Variants in NINJ2 observed in about 807,000 individuals in gnomAD.
The protein encoded by NINJ2 is ninjurin 2, also known as ninjurin-2.
Under a neutral mutation model 11.7 loss-of-function variants are expected in NINJ2, and 12 were observed. That is an observed-to-expected ratio of 1.02 (90% CI 0.66 to 1.66). The LOEUF is 1.66. Ranked by LOEUF, NINJ2 falls within the 40% of genes most tolerant of loss-of-function variation. The probability of loss-of-function intolerance (pLI) is 0.00; values close to 1 mark genes in which losing one functional copy is unlikely to be tolerated. For synonymous variants in NINJ2, 93 were observed against 76.8 expected, an observed-to-expected ratio of 1.21 and a Z score of -1.10; for missense variants, 187 against 181.8, an observed-to-expected ratio of 1.03 and a Z score of -0.16.
intron 1 of NINJ2, among the ~76,000 whole-genome samples, chr12:619,227 G>A (rs889793513): frequency 5.9e-5 from 9 of 152,212 alleles, no homozygotes; most frequent in Non-Finnish European, 1.3e-4. Flanking sequence ...GGCACTTGGG[G>A]TAGGGGATGG....
intron 1 of NINJ2, among the ~76,000 whole-genome samples, chr12:576,957 C>A (rs1396598093): frequency 6.6e-6 from 1 of 152,176 alleles, no homozygotes; most frequent in African/African-American, 2.4e-5. Context: ...CCCAGCCGAT[C>A]TCTGCTGACT....
intron 1 of NINJ2, among the ~76,000 whole-genome samples, chr12:641,241 C>T (rs1050201647): frequency 2.6e-5 from 4 of 152,174 alleles, no homozygotes; most frequent in African/African-American, 4.8e-5. Context: ...CCCTACCTTC[C>T]CACTTGGAAG....
In NINJ2 at chr12:585,484, CGGTTGG is replaced by C. The variant is rs1947620577; in HGVS notation, c.34-19312_34-19307del. On this transcript the variant is annotated intron_variant, in intron 1 of 3. Transcript: ENST00000305108. The surrounding 1 kb of genome is among the most constrained non-coding windows in gnomAD (Gnocchi z 4.1). ...GCAGGCAACGGTTGGAGGAAGGGAA[CGGTTGG>C]AGGGAAGGGAAGGGAACGGTTGGAG... 7.5e-5 allele frequency among the ~76,000 whole-genome samples: 2 copies of C among 26,556 alleles called. No homozygotes were observed. The highest frequency in any genetic ancestry group is 1.8e-4 in the Non-Finnish European group (2 of 11,056). 17.4% of individuals were successfully genotyped at this position (26,556 alleles called of 152,430 possible). A position where few individuals can be genotyped will look rare whatever the true frequency, so the allele number is the denominator to read the frequency against.
At chr12:598,084 G>A (rs539328787) in intron 1 of NINJ2, among the ~76,000 whole-genome samples, 1 of 152,334 alleles carries the variant, frequency 6.6e-6, no homozygotes, top group South Asian at 2.1e-4. Flanking sequence ...TTCCTGTAAG[G>A]AAATGAGCTT....
At chr12:573,450 C>T (rs113952417) in intron 1 of NINJ2, among the ~76,000 whole-genome samples, 1,787 of 152,068 alleles carry the variant, frequency 0.012, 38 homozygotes, top group African/African-American at 0.041. Context: ...GTGCCGCATG[C>T]CTATTGCCAT....
chr12:630,121 A>G (rs1321196147), intron 1 of NINJ2, among the ~76,000 whole-genome samples: 1 of 151,494 alleles, frequency 6.6e-6, no homozygotes, highest in Non-Finnish European at 1.5e-5. Flanking sequence ...TAACGCCAAG[A>G]TAGCAAAATG....
At chr12:595,936 A>C (rs1188293188) in intron 1 of NINJ2, among the ~76,000 whole-genome samples, 1 of 152,246 alleles carries the variant, frequency 6.6e-6, no homozygotes, top group Admixed American at 6.5e-5. Context: ...AGATGTCCAC[A>C]TGATACGTCA....
At chr12:635,317 CT>C (rs1429105093) in intron 1 of NINJ2, among the ~76,000 whole-genome samples, 1 of 151,918 alleles carries the variant, frequency 6.6e-6, no homozygotes, top group African/African-American at 2.4e-5. Flanking sequence ...TCCCAAAGTG[CT>C]AGGATTACAG....
intron 1 of NINJ2, among the ~76,000 whole-genome samples, chr12:596,928 A>G (rs1947795594): frequency 6.6e-6 from 1 of 151,824 alleles, no homozygotes; most frequent in African/African-American, 2.4e-5. Flanking sequence ...GTCTCAAAAA[A>G]AAAACAAAAA....
intron 1 of NINJ2, among the ~76,000 whole-genome samples, chr12:649,889 T>C (rs965538169): frequency 1.3e-5 from 2 of 152,190 alleles, no homozygotes; most frequent in Admixed American, 6.5e-5. Context: ...CATTTTGATA[T>C]TCCCTTAAGT....
At chr12:578,491 C>T (rs578185498) in intron 1 of NINJ2, among the ~76,000 whole-genome samples, 4 of 152,072 alleles carry the variant, frequency 2.6e-5, no homozygotes, top group Non-Finnish European at 2.9e-5. Context: ...ATTTTTAAAA[C>T]GTTTTTTGTA....
At chr12:600,189 A>G (rs1347431149) in intron 1 of NINJ2, among the ~76,000 whole-genome samples, 1 of 152,076 alleles carries the variant, frequency 6.6e-6, no homozygotes, top group Non-Finnish European at 1.5e-5. Flanking sequence ...GAGACATGCA[A>G]TGAAGGTGGT....
At chr12:576,775 C>G (rs1947467422) in intron 1 of NINJ2, among the ~76,000 whole-genome samples, 1 of 152,222 alleles carries the variant, frequency 6.6e-6, no homozygotes, top group South Asian at 2.1e-4. Context: ...GATTTACCTA[C>G]CACACAGAAA....
intron 1 of NINJ2, among the ~76,000 whole-genome samples, chr12:595,138 A>C (rs1414527558): frequency 2.6e-5 from 4 of 152,074 alleles, no homozygotes; most frequent in African/African-American, 9.7e-5. Flanking sequence ...CACATGCAAA[A>C]AGAAAAAAAA....
intron 1 of NINJ2, among the ~76,000 whole-genome samples, chr12:609,963 A>G (rs1948006858): frequency 8.0e-6 from 1 of 125,542 alleles, no homozygotes. Flanking sequence ...AAAAAAAAAA[A>G]GACGAAGGAG....
rs1947631889 is a variant in NINJ2 at position 585,964 on chromosome 12, C to A, written c.34-19786G>T. On this transcript the variant is annotated intron_variant, in intron 1 of 3. Coordinates refer to ENST00000305108, the MANE Select transcript of NINJ2 (RefSeq NM_016533.6). The surrounding 1 kb of genome is among the most constrained non-coding windows in gnomAD (Gnocchi z 4.1). Reference sequence around the variant, plus strand: ...AGTGTTCTTCTGGTAATCACAGAAGCTCTGCGCTGGGAACCAGTACCCTAA... The same window carrying A: ...AGTGTTCTTCTGGTAATCACAGAAGATCTGCGCTGGGAACCAGTACCCTAA... 6.6e-6 allele frequency: 1 copy of A among 152,152 alleles called. No individual in the cohort carries two copies. 9.4% of individuals were successfully genotyped at this position (152,152 alleles called of 1,614,324 possible).
At chr12:576,114 A>T (rs1292339749) in intron 1 of NINJ2, among the ~76,000 whole-genome samples, 3 of 152,180 alleles carry the variant, frequency 2.0e-5, no homozygotes, top group Non-Finnish European at 4.4e-5. Context: ...TATTCCAGCA[A>T]TAATACGTAA....
At chr12:619,742 CCCCA>C (rs1948131895) in intron 1 of NINJ2, among the ~76,000 whole-genome samples, 1 of 152,160 alleles carries the variant, frequency 6.6e-6, no homozygotes, top group Non-Finnish European at 1.5e-5. Context: ...CCTGAAGAAG[CCCCA>C]AGTATCCTGA....
rs1183127633 is a variant in NINJ2 at position 653,022 on chromosome 12, T to TC, written c.33+10305_33+10306insG. 5.6e-4 allele frequency among the ~76,000 whole-genome samples: 78 copies of TC among 138,868 alleles called. 3 individuals are homozygous for TC. In the South Asian group the frequency reaches 7.7e-3, roughly 14 times the overall value. The allele number at this position is 138,868 out of a possible 152,430, so 91.1% of individuals were successfully genotyped here. On this transcript the variant is annotated intron_variant, in intron 1 of 3. Transcript: ENST00000305108. ...ATACAAAGTAATATTTTGTTTCTTT[T>TC]TTTTTTTTTTTTTTTTGAGATGGAG...
Sources: gnomAD v4.1 joint callset for allele counts (sites outside exome capture counted in the v4.1 genomes callset) on GRCh38, gnomAD v4.1.1 for gene constraint, Gnocchi (gnomAD v3.1) non-coding constraint, MANE v1.5 for transcripts, NCBI Gene and HGNC (gene_info 2026-07-23, HGNC 2026-07-21) for gene names.